DTNB: variants seen among roughly 807,000 people sequenced by gnomAD.
The protein encoded by DTNB is dystrobrevin beta, also known as DTN-B.
Under a neutral mutation model 90.7 loss-of-function variants are expected in DTNB, and 63 were observed. That is an observed-to-expected ratio of 0.69 (90% CI 0.57 to 0.86). The LOEUF (loss-of-function observed/expected upper bound fraction) is 0.86, where lower values mean the gene tolerates loss of function less well. DTNB is among the 40% of genes least tolerant of loss of function. DTNB has a pLI of 0.00. For synonymous variants in DTNB, 277 were observed against 286.7 expected (o/e 0.97, Z 0.34); for missense variants, 744 against 807.1 (o/e 0.92, Z 0.95).
chr2:25,657,152 G>C (rs148448295), intron 1 of DTNB, among the ~76,000 whole-genome samples: 3 of 152,084 alleles, frequency 2.0e-5, no homozygotes, highest in Non-Finnish European at 2.9e-5. Context: ...CTCCAGCCTG[G>C]GTAACAGAGT....
intron 8 of DTNB, among the ~76,000 whole-genome samples, chr2:25,533,653 C>G (rs2078710648): frequency 6.6e-6 from 1 of 152,234 alleles, no homozygotes; most frequent in South Asian, 2.1e-4. Context: ...TTCCCACTCA[C>G]GTTAAGTGAT....
chr2:25,505,930 T>C (rs1558801939), intron 9 of DTNB, among the ~76,000 whole-genome samples: 1 of 152,176 alleles, frequency 6.6e-6, no homozygotes. Context: ...ATGCCCTCAA[T>C]GGAAAGACAA....
At chr2:25,431,792 G>A (rs1346368614) in intron 14 of DTNB, among the ~76,000 whole-genome samples, 2 of 151,832 alleles carry the variant, frequency 1.3e-5, no homozygotes, top group African/African-American at 4.9e-5. Context: ...AGCAGCATTT[G>A]TGTTCCCATC....
intron 4 of DTNB, among the ~76,000 whole-genome samples, chr2:25,609,707 CAA>C (rs34601827): frequency 1.1e-5 from 1 of 88,706 alleles, no homozygotes; most frequent in Non-Finnish European, 2.5e-5. Flanking sequence ...CACACACACA[CAA>C]AATTAAAAAT....
chr2:25,455,471 G>A lies in DTNB; in HGVS notation c.1103C>T (p.Pro368Leu). The A allele has an allele frequency of 6.2e-7, 1 of 1,606,630 alleles. No homozygotes were observed. The highest frequency in any genetic ancestry group is 8.5e-7 in the Non-Finnish European group (1 of 1,176,760). Residue 368 changes from proline (P) to leucine (L), a missense_variant, in exon 11 of 21, where the codon CCC (proline) becomes CTC (leucine). By Grantham distance (98) the Pro-to-Leu change is moderately conservative. Coordinates refer to ENST00000406818, the MANE Select transcript of DTNB (RefSeq NM_021907.5). ...CGCATGCTCATCGGCCAAGTGACTG[G>A]GTATATCCTGGCTATACTGTAACCT... is the stretch of plus-strand genomic sequence containing the variant. Reference protein sequence around the residue: ...TKRLQYSQDIPSHLADEHALI... With the variant: ...TKRLQYSQDILSHLADEHALI...
intron 5 of DTNB, among the ~76,000 whole-genome samples, chr2:25,606,688 T>G (rs2067186172): frequency 1.3e-5 from 2 of 152,114 alleles, no homozygotes; most frequent in Admixed American, 1.3e-4. Context: ...TCTTATAGTA[T>G]CTAATGAATG....
intron 16 of DTNB, among the ~76,000 whole-genome samples, chr2:25,417,361 C>T (rs1468921883): frequency 6.6e-6 from 1 of 152,212 alleles, no homozygotes; most frequent in Non-Finnish European, 1.5e-5. Context: ...ATTTAATCCC[C>T]TGTCTGCTCA....
At chr2:25,388,945 C>T (rs1281489610) in intron 16 of DTNB, among the ~76,000 whole-genome samples, 6 of 152,060 alleles carry the variant, frequency 3.9e-5, no homozygotes, top group African/African-American at 1.4e-4. Flanking sequence ...CTCCCAGGTT[C>T]AAGAGATTCT....
chr2:25,388,147 GT>G, intron 17 of DTNB, 54 bp downstream of exon 17: 1 of 1,539,296 alleles, frequency 6.5e-7, no homozygotes, highest in Non-Finnish European at 8.7e-7. Context: ...CAGGAATCTT[GT>G]CCGTGTTTGC....
At chr2:25,634,284 T>G (rs1231331694) in intron 3 of DTNB, among the ~76,000 whole-genome samples, 7 of 77,318 alleles carry the variant, frequency 9.1e-5, no homozygotes, top group Admixed American at 1.3e-4. Context: ...GGGAGGGAGG[T>G]GGGGGGGTCA....
intron 10 of DTNB, among the ~76,000 whole-genome samples, chr2:25,463,688 G>T (rs750161823): frequency 6.6e-6 from 1 of 152,270 alleles, no homozygotes; most frequent in East Asian, 1.9e-4. Flanking sequence ...CTGCAGGCAC[G>T]GAACGAATAA....
At chr2:25,457,515 C>T (rs1379356610) in intron 10 of DTNB, among the ~76,000 whole-genome samples, 1 of 152,122 alleles carries the variant, frequency 6.6e-6, no homozygotes, top group Non-Finnish European at 1.5e-5. Flanking sequence ...AAAAATAAGT[C>T]CTCTCAGTGC....
chr2:25,539,049 A>C (rs1382940929), intron 8 of DTNB, among the ~76,000 whole-genome samples: 1 of 152,170 alleles, frequency 6.6e-6, no homozygotes, highest in African/African-American at 2.4e-5. Context: ...TTATGTTACA[A>C]TTTATCCATT....
chr2:25,419,278 G>C, intron 16 of DTNB: 1 of 609,644 alleles, frequency 1.6e-6, no homozygotes, highest in Non-Finnish European at 2.9e-6. Context: ...ACTTCAATGC[G>C]CACAACAGAT....
At chr2:25,544,461 A>G (rs1457418358) in intron 8 of DTNB, among the ~76,000 whole-genome samples, 5 of 152,152 alleles carry the variant, frequency 3.3e-5, no homozygotes, top group Non-Finnish European at 5.9e-5. Flanking sequence ...AAAGCTCAGG[A>G]TTGGTGACTT....
chr2:25,554,233 A>G (rs752707461), intron 8 of DTNB, among the ~76,000 whole-genome samples: 1 of 152,222 alleles, frequency 6.6e-6, no homozygotes, highest in Non-Finnish European at 1.5e-5. Context: ...GAAGCATTCA[A>G]ATGGAGACAG....
chr2:25,671,343 G>A (rs1482617799), intron 1 of DTNB, among the ~76,000 whole-genome samples: 2 of 152,028 alleles, frequency 1.3e-5, no homozygotes, highest in African/African-American at 4.8e-5. Context: ...ATTTTATTTT[G>A]TCAACTATAC....
Position 25,453,018 on chromosome 2 carries a change from G to C in DTNB, c.1170-1383C>G, listed in dbSNP as rs138781326. ...ATTTGTGCTTTAAAGGTATTTGTCTGAAATAAGAGAACTATCTTTTAAATT... is the reference window on the plus strand; with the variant it reads ...ATTTGTGCTTTAAAGGTATTTGTCTCAAATAAGAGAACTATCTTTTAAATT... On this transcript the variant is annotated intron_variant, in intron 11 of 20. Coordinates refer to ENST00000406818, the MANE Select transcript of DTNB (RefSeq NM_021907.5). 3.7e-3 allele frequency among the ~76,000 whole-genome samples: 562 copies of C among 151,720 alleles called. 5 individuals carry two copies. Among genetic ancestry groups the C allele is most frequent in the African/African-American group, 0.013 (530 of 41,384 alleles).
intron 16 of DTNB, among the ~76,000 whole-genome samples, chr2:25,401,720 G>A (rs576388921): frequency 6.6e-6 from 1 of 152,348 alleles, no homozygotes; most frequent in Non-Finnish European, 1.5e-5. Flanking sequence ...GACTTTAAGA[G>A]TTAATGCCCT....
Sources: allele counts gnomAD v4.1 joint callset (sites outside exome capture counted in the v4.1 genomes callset), GRCh38; gene constraint gnomAD v4.1.1; transcripts MANE v1.5; gene names NCBI Gene and HGNC (gene_info 2026-07-23, HGNC 2026-07-21).